The following SPEN variants were observed in gnomAD, a reference collection of about 807,000 sequenced individuals.
SPEN encodes the protein msx2-interacting protein.
Under a neutral mutation model 269.9 loss-of-function variants are expected in SPEN, and 18 were observed. The ratio of observed to expected loss-of-function variants is 0.07; its 90% confidence interval spans 0.05 to 0.10. The LOEUF is 0.10. SPEN is among the 10% of genes least tolerant of loss of function. SPEN has a pLI of 1.00. For synonymous variants in SPEN, 1,726 were observed against 1,765.7 expected (o/e 0.98, Z 0.56); for missense variants, 3,822 against 4,631.2 (o/e 0.83, Z 5.07).
At chr1:15,851,793 G>GT (rs1227872279) in intron 1 of SPEN, among the ~76,000 whole-genome samples, 4 of 152,086 alleles carry the variant, frequency 2.6e-5, no homozygotes, top group Non-Finnish European at 4.4e-5. Flanking sequence ...GACCAGCTTG[G>GT]TGAACATGGT....
Position 15,933,515 on chromosome 1 carries a change from A to G in SPEN, c.7275A>G (p.Ala2425=), listed in dbSNP as rs926540113. 4.3e-6 allele frequency: 7 copies of G among 1,613,972 alleles called. No individual in the cohort carries two copies. The highest frequency in any genetic ancestry group is 5.9e-6 in the Non-Finnish European group (7 of 1,179,932). ...TTGAGGAAAGGACTCCAACCAAAGC[A>G]TCTGTGCCCCCAGACCTTCCCCCAC... ...ISVEERTPTK[A]SVPPDLPPPP... Residue 2425 remains alanine (A), a synonymous_variant, in exon 11 of 15, where the codon GCA becomes GCG. Coordinates refer to ENST00000375759, the MANE Select transcript of SPEN (RefSeq NM_015001.3). This position sits in a 1 kb window ranked among gnomAD's most constrained non-coding sequence, Gnocchi z 5.7.
intron 3 of SPEN, among the ~76,000 whole-genome samples, chr1:15,891,139 G>A (rs1255609889): frequency 1.3e-5 from 2 of 152,070 alleles, no homozygotes; most frequent in East Asian, 1.9e-4. Flanking sequence ...AAGAAATTCC[G>A]TTTACAGGAG....
chr1:15,925,798 T>C (rs1192272993), intron 10 of SPEN, among the ~76,000 whole-genome samples: 1 of 152,200 alleles, frequency 6.6e-6, no homozygotes, highest in East Asian at 1.9e-4. Context: ...AAGCCTACCA[T>C]TAATATGGGC....
intron 3 of SPEN, among the ~76,000 whole-genome samples, chr1:15,880,296 G>A (rs1050088654): frequency 1.3e-5 from 2 of 151,584 alleles, no homozygotes; most frequent in African/African-American, 2.4e-5. Flanking sequence ...ATTTACTTAG[G>A]TTATTGGTTT....
At chr1:15,903,469 C>T (rs553789712) in intron 3 of SPEN, among the ~76,000 whole-genome samples, 1 of 152,278 alleles carries the variant, frequency 6.6e-6, no homozygotes, top group East Asian at 1.9e-4. Context: ...CCTCACTACG[C>T]CTCAACCTCC....
chr1:15,928,225 A>C lies in SPEN; in HGVS notation c.1985A>C (p.Glu662Ala). 6.2e-7 allele frequency: 1 copy of C among 1,614,190 alleles called. No individual in the cohort carries two copies. The highest frequency in any genetic ancestry group is 8.5e-7 in the Non-Finnish European group (1 of 1,180,026). The change falls in exon 11 of 15, where the codon GAA becomes GCA. Residue 662 changes from glutamate (E) to alanine (A), a missense_variant. Transcript: ENST00000375759. The surrounding 1 kb of genome is among the most constrained non-coding windows in gnomAD (Gnocchi z 5.7). ...GGGAGAGAGTTTTATTCAGAATGGG[A>C]AACTTACCAAGGAGACTACTATGAA... ...ARGREFYSEW[E>A]TYQGDYYESR...
At chr1:15,893,124 A>G (rs1242152056) in intron 3 of SPEN, among the ~76,000 whole-genome samples, 1 of 152,098 alleles carries the variant, frequency 6.6e-6, no homozygotes. Flanking sequence ...CAACAAAAAC[A>G]CTTTCATCTG....
At chr1:15,908,415 G>T (rs1301986722) in intron 3 of SPEN, among the ~76,000 whole-genome samples, 1 of 150,570 alleles carries the variant, frequency 6.6e-6, no homozygotes, top group Non-Finnish European at 1.5e-5. Flanking sequence ...AAACTTTTGC[G>T]TTTCTTTAAT....
At chr1:15,850,043 A>G (rs947918009) in intron 1 of SPEN, among the ~76,000 whole-genome samples, 2 of 152,102 alleles carry the variant, frequency 1.3e-5, no homozygotes, top group Non-Finnish European at 2.9e-5. Flanking sequence ...GGGCAGAGAG[A>G]AGAAAGAGGA....
rs2148728088 is a variant in SPEN, at chr1:15,909,311, C to G, written c.882-10C>G. ...TTTCACTAAAGTTTGTTGTTGTTGC[C>G]TTTTTGCAGCAGTGATTCCAGCAGT... On this transcript the variant is annotated splice_polypyrimidine_tract_variant and intron_variant, in intron 3 of 14. Transcript: ENST00000375759. The G allele has an allele frequency of 1.3e-6, 2 of 1,593,268 alleles. No individual in the cohort carries two copies. The highest frequency in any genetic ancestry group is 1.7e-6 in the Non-Finnish European group (2 of 1,172,370).
chr1:15,869,205 C>T (rs1189744210), intron 1 of SPEN, among the ~76,000 whole-genome samples: 1 of 151,980 alleles, frequency 6.6e-6, no homozygotes, highest in Non-Finnish European at 1.5e-5. Context: ...TGCAGGCGGG[C>T]ACCACCACAC....
At chr1:15,872,321 G>A (rs1160557193) in intron 1 of SPEN, among the ~76,000 whole-genome samples, 1 of 149,972 alleles carries the variant, frequency 6.7e-6, no homozygotes, top group Non-Finnish European at 1.5e-5. Context: ...GGCCGGGCGC[G>A]GTGGCTCATG....
At chr1:15,913,128 CAGAT>C (rs1173120664) in intron 5 of SPEN, among the ~76,000 whole-genome samples, 1 of 152,166 alleles carries the variant, frequency 6.6e-6, no homozygotes, top group African/African-American at 2.4e-5. Flanking sequence ...ATTATGCTCT[CAGAT>C]GGTTAAATCA....
intron 1 of SPEN, among the ~76,000 whole-genome samples, chr1:15,850,782 G>A (rs2070328214): frequency 6.6e-6 from 1 of 152,154 alleles, no homozygotes; most frequent in Admixed American, 6.6e-5. Flanking sequence ...CCAGAACGAT[G>A]GCTCTGCAAG....
At chr1:15,923,648 TACA>T (rs2071139063) in intron 10 of SPEN, among the ~76,000 whole-genome samples, 1 of 151,886 alleles carries the variant, frequency 6.6e-6, no homozygotes, top group African/African-American at 2.4e-5. Flanking sequence ...TGGAATATTG[TACA>T]ACAGTCGTTG....
chr1:15,913,421 A>C (rs547217046), intron 5 of SPEN, among the ~76,000 whole-genome samples: 61 of 152,154 alleles, frequency 4.0e-4, no homozygotes, highest in African/African-American at 1.4e-3. Flanking sequence ...CGATCTTGAA[A>C]ATTTACTGCT....
chr1:15,919,661 A>C (rs762134743), intron 8 of SPEN, 144 bp downstream of exon 8: 6 of 501,150 alleles, frequency 1.2e-5, no homozygotes, highest in African/African-American at 2.0e-5. Flanking sequence ...TTGGTCAATA[A>C]GGGCATTTGC....
chr1:15,892,820 G>A (rs934451866), intron 3 of SPEN, among the ~76,000 whole-genome samples: 2 of 151,994 alleles, frequency 1.3e-5, no homozygotes, highest in Admixed American at 6.6e-5. Context: ...AACTTTGGGC[G>A]GGGCACGGTG....
At chr1:15,894,542 T>G (rs1053397061) in intron 3 of SPEN, among the ~76,000 whole-genome samples, 3 of 143,712 alleles carry the variant, frequency 2.1e-5, no homozygotes, top group Non-Finnish European at 4.5e-5. Context: ...GGTTGTTTTT[T>G]TTTTTTTTTT....
Sources: gnomAD v4.1 joint callset for allele counts (sites outside exome capture counted in the v4.1 genomes callset) on GRCh38, gnomAD v4.1.1 for gene constraint, Gnocchi (gnomAD v3.1) non-coding constraint, MANE v1.5 for transcripts, NCBI Gene and HGNC (gene_info 2026-07-23, HGNC 2026-07-21) for gene names.